GPLD1: variants seen among roughly 807,000 people sequenced by gnomAD.
GPLD1 encodes the protein glycosylphosphatidylinositol specific phospholipase D1, also known as phosphatidylinositol-glycan-specific phospholipase D.
GPLD1 carries 84 observed loss-of-function variants against 112.6 expected under a neutral mutation model. That is an observed-to-expected ratio of 0.75 (90% confidence interval 0.63 to 0.89). The LOEUF (loss-of-function observed/expected upper bound fraction) is 0.89, where lower values mean the gene tolerates loss of function less well. Among genes scored for constraint, GPLD1 ranks in the 40% least tolerant of loss-of-function variants. The pLI, the probability that GPLD1 is intolerant of heterozygous loss-of-function variation, is 0.00. For missense variants in GPLD1, 1,044 were observed against 1,051.5 expected (o/e 0.99, Z 0.10); for synonymous variants, 386 against 403.8 (o/e 0.96, Z 0.53).
upstream of GPLD1, among the ~76,000 whole-genome samples, chr6:24,493,428 A>G (rs1453119683): frequency 6.6e-6 from 1 of 152,204 alleles, no homozygotes; most frequent in Non-Finnish European, 1.5e-5. Context: ...GGGAGCTGAA[A>G]TCGCACCACT....
chr6:24,460,483 A>C, intron 11 of GPLD1, 84 bp from the exon 12 acceptor site: 1 of 1,435,060 alleles, frequency 7.0e-7, no homozygotes, highest in Non-Finnish European at 9.5e-7. Flanking sequence ...TAGTCAAGTT[A>C]ATCACAGGTT....
rs575782575 is a variant in GPLD1, at chr6:24,494,812, G to A, written n.239+155C>T. 1.3e-5 allele frequency: 8 copies of A among 623,010 alleles called. No homozygotes were observed. The South Asian group carries it at 5.0e-4, about 39-fold the overall frequency. The allele number at this position is 623,010 out of a possible 1,614,324, so 38.6% of individuals were successfully genotyped here. A position where few individuals can be genotyped will look rare whatever the true frequency, so the allele number is the denominator to read the frequency against. On this transcript the variant is annotated intron_variant and non_coding_transcript_variant, in intron 1 of 10. Transcript: ENST00000474784. ...TAGGGCAAGGTGCAGAGGGCGGCGCGGCGGTGCAGCGAGAAAGACGCGGAG... is the reference window on the plus strand; with the variant it reads ...TAGGGCAAGGTGCAGAGGGCGGCGCAGCGGTGCAGCGAGAAAGACGCGGAG...
intron 13 of GPLD1, among the ~76,000 whole-genome samples, chr6:24,456,048 T>C (rs985251099): frequency 2.0e-5 from 3 of 152,132 alleles, no homozygotes; most frequent in Non-Finnish European, 4.4e-5. Context: ...AATAAATTAA[T>C]GCTTTTGTTG....
intron 2 of GPLD1, among the ~76,000 whole-genome samples, chr6:24,485,565 C>T (rs978392471): frequency 2.0e-5 from 3 of 151,930 alleles, no homozygotes; most frequent in Admixed American, 1.3e-4. Context: ...ATAAAATGTT[C>T]AAGTAGCACT....
In GPLD1 at chr6:24,485,993, T is replaced by TA. The variant is rs1221089582; in HGVS notation, c.153+81dup. The TA allele has an allele frequency of 4.7e-6, 4 of 849,602 alleles. No homozygotes were observed. In the African/African-American group the frequency reaches 6.8e-5, roughly 14 times the overall value. 52.6% of individuals were successfully genotyped at this position (849,602 alleles called of 1,614,324 possible). A position where few individuals can be genotyped will look rare whatever the true frequency, so the allele number is the denominator to read the frequency against. On this transcript the variant is annotated intron_variant, in intron 2 of 24. Coordinates refer to ENST00000230036, the MANE Select transcript of GPLD1 (RefSeq NM_001503.4). ...CAAAATGAGTCTTAAAATTACTGTT[T>TA]AAATATCTGTTAGGATCTTTGTTTG...
At chr6:24,434,934 T>C (rs1439103385) in intron 22 of GPLD1, among the ~76,000 whole-genome samples, 1 of 149,984 alleles carries the variant, frequency 6.7e-6, no homozygotes, top group Non-Finnish European at 1.5e-5. Flanking sequence ...CCTCCCAAAG[T>C]GCTGGGATTA....
intron 15 of GPLD1, among the ~76,000 whole-genome samples, chr6:24,449,356 G>A (rs1034133231): frequency 6.6e-6 from 1 of 152,152 alleles, no homozygotes; most frequent in African/African-American, 2.4e-5. Flanking sequence ...AAGCAAGCAA[G>A]CCCTGTGGGC....
At chr6:24,436,967 G>T in intron 21 of GPLD1, 146 bp downstream of exon 21, 2 of 748,446 alleles carry the variant, frequency 2.7e-6, no homozygotes, top group Non-Finnish European at 4.4e-6. Context: ...TCCCTCTCTG[G>T]TCTTGCCTCA....
intron 22 of GPLD1, among the ~76,000 whole-genome samples, chr6:24,435,437 A>G (rs78386190): frequency 0.063 from 9,596 of 152,274 alleles, 708 homozygotes; most frequent in African/African-American, 0.18. Context: ...AAAGGTAAGC[A>G]GGTATTAGCT....
In GPLD1 at chr6:24,486,647, T is replaced by C. The variant is rs183451747; in HGVS notation, c.98-517A>G. On this transcript the variant is annotated intron_variant, in intron 1 of 24. Coordinates refer to ENST00000230036, the MANE Select transcript of GPLD1 (RefSeq NM_001503.4). ...GCCTGATCAACATGGAGAAACCCCGTCTCTACTAAAAATACAAAAAATTAG... is the reference window on the plus strand; with the variant it reads ...GCCTGATCAACATGGAGAAACCCCGCCTCTACTAAAAATACAAAAAATTAG... Among the ~76,000 whole-genome samples, 120 of 152,024 alleles carry C rather than the reference T, an allele frequency of 7.9e-4. No homozygotes were observed. In the East Asian group the frequency reaches 0.015, roughly 19 times the overall value.
chr6:24,491,219 C>T (rs1028043591), upstream of GPLD1, among the ~76,000 whole-genome samples: 3 of 152,138 alleles, frequency 2.0e-5, no homozygotes, highest in Admixed American at 6.6e-5. Flanking sequence ...TTTGAGTTTG[C>T]CTCCCTGTCA....
intron 8 of GPLD1, 88 bp from the exon 9 acceptor site, chr6:24,467,027 T>C: frequency 2.4e-6 from 3 of 1,226,364 alleles, no homozygotes; most frequent in East Asian, 2.3e-5. Context: ...CCATCCACCC[T>C]TTTCCACCGT....
chr6:24,483,465 G>T (rs1348968422), intron 2 of GPLD1, among the ~76,000 whole-genome samples: 2 of 151,522 alleles, frequency 1.3e-5, no homozygotes, highest in East Asian at 3.9e-4. Context: ...GATCACTTGA[G>T]GTCAGGAGTT....
Position 24,445,581 on chromosome 6 carries a change from A to G in GPLD1, c.1985T>C (p.Leu662Pro). The G allele has an allele frequency of 6.2e-7, 1 of 1,613,940 alleles. No individual in the cohort carries two copies. The highest frequency in any genetic ancestry group is 1.1e-5 in the South Asian group (1 of 91,076). Residue 662 changes from leucine (L) to proline (P), a missense_variant, in exon 20 of 25, where the codon CTG becomes CCG. Leu to Pro is a moderately conservative substitution (Grantham distance 98). Coordinates refer to ENST00000230036, the MANE Select transcript of GPLD1 (RefSeq NM_001503.4). ...GGCTCCAACCAGCAGCACTTGTTTC[A>G]GAGTCCCATTCATCAGTACGTGGCC... ...SSGHVLMNGT[L>P]KQVLLVGAPT...
rs540394525 is a variant in GPLD1 at position 24,437,675 on chromosome 6, T to A, written c.2021-386A>T. On this transcript the variant is annotated intron_variant, in intron 20 of 24. Transcript: ENST00000230036. ...ACAGAATCTGACTCCCACTTGGGGA[T>A]CTAGCGCCATTAACCTTTTCACCCA... 9.2e-5 allele frequency among the ~76,000 whole-genome samples: 14 copies of A among 152,280 alleles called. No individual in the cohort carries two copies. In the South Asian group the frequency reaches 2.7e-3, roughly 29 times the overall value.
chr6:24,469,114 A>G (rs1170129465), intron 7 of GPLD1, among the ~76,000 whole-genome samples: 1 of 152,226 alleles, frequency 6.6e-6, no homozygotes, highest in East Asian at 1.9e-4. Context: ...AAAATCCTCA[A>G]AAGTCAGGAA....
chr6:24,475,166 C>A lies in GPLD1; in HGVS notation c.396G>T (p.Trp132Cys). The A allele has an allele frequency of 1.2e-6, 2 of 1,612,028 alleles. No homozygotes were observed. The highest frequency in any genetic ancestry group is 2.7e-5 in the African/African-American group (2 of 74,978). ...ITSHMAADVSWHSLGLEQGFL... is the reference protein window; with the variant it reads ...ITSHMAADVSCHSLGLEQGFL... ...ATCCTTGTTCAAGGCCCAGACTATG[C>A]CAGCTGACATCTGCCGCCATGTGAG... The change falls in exon 5 of 25, where the codon TGG becomes TGT. Residue 132 changes from tryptophan to cysteine, a missense_variant. Transcript: ENST00000230036.
rs73386127 is a variant in GPLD1, at chr6:24,475,370, T to C, written c.331-139A>G. ...TTTCAGGCAAGTAAATTGCAGTTTC[T>C]AGTTATTAAAAACCACATAAGAGGC... On this transcript the variant is annotated intron_variant, in intron 4 of 24. Coordinates refer to ENST00000230036, the MANE Select transcript of GPLD1 (RefSeq NM_001503.4). 5,243 of 622,004 alleles carry C rather than the reference T, an allele frequency of 8.4e-3. 165 individuals are homozygous for C. The highest frequency in any genetic ancestry group is 0.08 in the African/African-American group (4,345 of 54,458). The allele number at this position is 622,004 out of a possible 1,614,324, so 38.5% of individuals were successfully genotyped here. A position where few individuals can be genotyped will look rare whatever the true frequency, so the allele number is the denominator to read the frequency against.
At chr6:24,479,311 C>G (rs1764124390) in intron 3 of GPLD1, among the ~76,000 whole-genome samples, 1 of 152,200 alleles carries the variant, frequency 6.6e-6, no homozygotes, top group South Asian at 2.1e-4. Flanking sequence ...CGGCCAGAAG[C>G]CCCTCTCAGG....
Sources: allele counts gnomAD v4.1 joint callset (sites outside exome capture counted in the v4.1 genomes callset), GRCh38; gene constraint gnomAD v4.1.1; transcripts MANE v1.5; gene names NCBI Gene and HGNC (gene_info 2026-07-23, HGNC 2026-07-21).